Variants in NFIC observed in about 807,000 individuals in gnomAD.
NFIC encodes nuclear factor I C, also known as nuclear factor 1 C-type.
A neutral mutation model predicts 54.4 loss-of-function variants in NFIC; 12 were observed. The observed-to-expected ratio is 0.22, with a 90% CI of 0.14 to 0.36. NFIC has a LOEUF of 0.36. Among genes scored for constraint, NFIC ranks in the 10% least tolerant of loss-of-function variants. The probability of loss-of-function intolerance (pLI) is 1.00; values close to 1 mark genes in which losing one functional copy is unlikely to be tolerated. For missense variants in NFIC, 575 were observed against 718.2 expected, an observed-to-expected ratio of 0.80 and a Z score of 2.28; for synonymous variants, 322 against 319.2, an observed-to-expected ratio of 1.01 and a Z score of -0.09.
chr19:3,451,959 A>T (rs1274897107), intron 7 of NFIC, among the ~76,000 whole-genome samples: 2 of 152,082 alleles, frequency 1.3e-5, no homozygotes, highest in African/African-American at 4.8e-5. Flanking sequence ...TCTACTAAAA[A>T]TACAAAAGTT....
intron 1 of NFIC, among the ~76,000 whole-genome samples, chr19:3,380,306 GTTCTTT>G: frequency 2.2e-5 from 2 of 88,974 alleles, no homozygotes; most frequent in East Asian, 7.6e-4. Flanking sequence ...GCCCAGCCTT[GTTCTTT>G]TTTTTTTTTT....
In NFIC at chr19:3,435,066, C is replaced by G. The variant is rs1039368198; in HGVS notation, c.834-17C>G. The G allele has an allele frequency of 6.3e-7, 1 of 1,575,538 alleles. No individual in the cohort carries two copies. The highest frequency in any genetic ancestry group is 1.1e-5 in the South Asian group (1 of 87,670). The stretch of plus-strand genomic sequence containing the variant: ...GTCTCCCTGGTAACCAGCCTCTCCC[C>G]TTCCCTCGCCCATAAGGAGCAAGCG... On this transcript the variant is annotated splice_polypyrimidine_tract_variant and intron_variant, in intron 5 of 10. Coordinates refer to ENST00000443272, the MANE Select transcript of NFIC (RefSeq NM_001245002.2).
In NFIC at chr19:3,462,944, G is replaced by A. The variant is rs899677729; in HGVS notation, c.*175G>A. The A allele has an allele frequency of 4.2e-6, 6 of 1,418,586 alleles. No homozygotes were observed. Among genetic ancestry groups the A allele is most frequent in the South Asian group, 1.7e-5 (1 of 60,160 alleles). 87.9% of individuals were successfully genotyped at this position (1,418,586 alleles called of 1,614,324 possible). ...TAGACGCACACACTCAGGAGGAAAA[G>A]AAAAAACAAAGGCAGAAGAAGAAGA... On this transcript the variant is annotated 3_prime_UTR_variant, in exon 11 of 11. Coordinates refer to ENST00000443272, the MANE Select transcript of NFIC (RefSeq NM_001245002.2).
Position 3,369,439 on chromosome 19 carries a change from CA to C in NFIC, c.30+2775del. Among the ~76,000 whole-genome samples, 1 of 151,440 alleles carries C rather than the reference CA, an allele frequency of 6.6e-6. No homozygotes were observed. Among genetic ancestry groups the C allele is most frequent in the East Asian group, 1.9e-4 (1 of 5,178 alleles). The stretch of plus-strand genomic sequence containing the variant: ...CTCCCCCTTTTCCCAGCTAATTTTA[CA>C]ACCTGAGCCCAACCGAAAATAGCTC... On this transcript the variant is annotated intron_variant, in intron 1 of 10. Coordinates refer to ENST00000443272, the MANE Select transcript of NFIC (RefSeq NM_001245002.2). This position sits in a 1 kb window ranked among gnomAD's most constrained non-coding sequence, Gnocchi z 4.3.
intron 1 of NFIC, among the ~76,000 whole-genome samples, chr19:3,367,266 G>A (rs1353716518): frequency 6.6e-6 from 1 of 152,152 alleles, no homozygotes; most frequent in Middle Eastern, 3.2e-3. Context: ...GGCCCAGGAG[G>A]GGGAAGGGTG....
intron 1 of NFIC, among the ~76,000 whole-genome samples, chr19:3,373,617 ACC>A (rs150678004): frequency 1.3e-5 from 1 of 78,560 alleles, no homozygotes; most frequent in Non-Finnish European, 2.6e-5. Flanking sequence ...ACCTTCCTGG[ACC>A]CCCCCCCCAA....
In NFIC at chr19:3,463,118, ATCTCC is replaced by A; in HGVS notation, c.*355_*359del. The A allele has an allele frequency of 8.4e-7, 1 of 1,187,474 alleles. No homozygotes were observed. Among genetic ancestry groups the A allele is most frequent in the Non-Finnish European group, 1.0e-6 (1 of 956,456 alleles). 73.6% of individuals were successfully genotyped at this position (1,187,474 alleles called of 1,614,324 possible). ...GACAGGGCGTCTTCCTAAGTTATTC[ATCTCC>A]TCTCCGCCTGCTGCTCGGGAAGGAC... On this transcript the variant is annotated 3_prime_UTR_variant, in exon 11 of 11. Transcript: ENST00000443272.
rs557791993 is a variant in NFIC at position 3,460,179 on chromosome 19, G to A, written c.1510-2573G>A. On this transcript the variant is annotated intron_variant, in intron 10 of 10. Coordinates refer to ENST00000443272, the MANE Select transcript of NFIC (RefSeq NM_001245002.2). ...CATCCTCAGCCCCCCTGTGCTTAGTGAGCTTCTGTGGAGCAAGAGGGGGCC... is the reference window on the plus strand; with the variant it reads ...CATCCTCAGCCCCCCTGTGCTTAGTAAGCTTCTGTGGAGCAAGAGGGGGCC... 3.9e-5 allele frequency among the ~76,000 whole-genome samples: 6 copies of A among 152,340 alleles called. No homozygotes were observed. In the South Asian group the frequency reaches 1.2e-3, roughly 32 times the overall value.
intron 2 of NFIC, among the ~76,000 whole-genome samples, chr19:3,403,719 C>T (rs1226639891): frequency 2.6e-5 from 4 of 152,206 alleles, no homozygotes; most frequent in Non-Finnish European, 4.4e-5. Flanking sequence ...GGGCCGCCAG[C>T]CTTGCCTCCC....
intron 1 of NFIC, among the ~76,000 whole-genome samples, chr19:3,374,854 C>G (rs1445559022): frequency 5.9e-5 from 9 of 152,262 alleles, no homozygotes; most frequent in East Asian, 5.8e-4. Context: ...GTGGTCTGAT[C>G]CCCTGGGGAG....
chr19:3,449,008 C>T lies in NFIC; in HGVS notation c.959-6C>T, dbSNP rs748734445. The T allele has an allele frequency of 1.7e-5, 28 of 1,611,928 alleles. No individual in the cohort carries two copies. The South Asian group carries it at 3.1e-4, about 18-fold the overall frequency. ...CTGTGACTCTCTCGTCCCATCCCCT[C>T]CACAGGCATCTCGTCCCCGGTGAAG... On this transcript the variant is annotated splice_region_variant and splice_polypyrimidine_tract_variant and intron_variant, in intron 6 of 10. Coordinates refer to ENST00000443272, the MANE Select transcript of NFIC (RefSeq NM_001245002.2).
chr19:3,388,963 C>CGA (rs1217799787), intron 2 of NFIC, among the ~76,000 whole-genome samples: 4 of 152,148 alleles, frequency 2.6e-5, no homozygotes, highest in African/African-American at 9.7e-5. Flanking sequence ...TGAGCTCATG[C>CGA]CACTGCACTC....
rs147526611 is a variant in NFIC, at chr19:3,413,370, G to A, written c.563-11736G>A. ...GACCCCTCCTAAAAGGATTTACAGG[G>A]TGTCACAGAATCAAAATTACAGCAA... is the stretch of plus-strand genomic sequence containing the variant. On this transcript the variant is annotated intron_variant, in intron 2 of 10. Transcript: ENST00000443272. Among the ~76,000 whole-genome samples the A allele has an allele frequency of 1.5e-3, 230 of 152,224 alleles. 2 individuals are homozygous for A. The highest frequency in any genetic ancestry group is 5.4e-3 in the African/African-American group (225 of 41,524).
At chr19:3,382,770 G>A (rs1042413568) in intron 2 of NFIC, among the ~76,000 whole-genome samples, 1 of 150,326 alleles carries the variant, frequency 6.7e-6, no homozygotes, top group African/African-American at 2.5e-5. Flanking sequence ...TGGTCTGAGG[G>A]GGGAGGCAGG....
In NFIC at chr19:3,369,886, T is replaced by G. The variant is rs1384386803; in HGVS notation, c.30+3220T>G. ...GTCCCTGTCTCATTCGTTCGTTGTT[T>G]CCTTCATTCGTTCGTCCCATGCCCT... On this transcript the variant is annotated intron_variant, in intron 1 of 10. Transcript: ENST00000443272. This position sits in a 1 kb window ranked among gnomAD's most constrained non-coding sequence, Gnocchi z 4.3. Among the ~76,000 whole-genome samples the G allele has an allele frequency of 6.6e-6, 1 of 152,212 alleles. No individual in the cohort carries two copies. Among genetic ancestry groups the G allele is most frequent in the African/African-American group, 2.4e-5 (1 of 41,446 alleles).
At chr19:3,361,136 G>A (rs2080805551) in intron 1 of NFIC, among the ~76,000 whole-genome samples, 1 of 152,212 alleles carries the variant, frequency 6.6e-6, no homozygotes, top group Non-Finnish European at 1.5e-5. Flanking sequence ...GCCCGAGGGG[G>A]TCCTGGCTGG....
intron 3 of NFIC, among the ~76,000 whole-genome samples, chr19:3,425,387 C>G (rs1187470646): frequency 2.0e-5 from 3 of 152,348 alleles, no homozygotes; most frequent in East Asian, 3.9e-4. Context: ...AGGTGCTCAC[C>G]CCATGGGAGA....
chr19:3,426,736 C>T (rs888999218), intron 3 of NFIC, among the ~76,000 whole-genome samples: 16 of 152,112 alleles, frequency 1.1e-4, no homozygotes, highest in African/African-American at 3.9e-4. Flanking sequence ...ACCTCCTCGC[C>T]GTTCCTCCAG....
chr19:3,372,364 C>G (rs764711865), intron 1 of NFIC, among the ~76,000 whole-genome samples: 1 of 152,144 alleles, frequency 6.6e-6, no homozygotes, highest in Non-Finnish European at 1.5e-5. Flanking sequence ...CAGGGTCTCC[C>G]TGAGTTTGAC....
Sources: allele counts gnomAD v4.1 joint callset (sites outside exome capture counted in the v4.1 genomes callset), GRCh38; gene constraint gnomAD v4.1.1; non-coding constraint Gnocchi (gnomAD v3.1); transcripts MANE v1.5; gene names NCBI Gene and HGNC (gene_info 2026-07-23, HGNC 2026-07-21).